Variants in KDM7A observed in about 807,000 individuals in gnomAD.
The protein encoded by KDM7A is lysine-specific demethylase 7A.
KDM7A carries 28 observed loss-of-function variants against 114.8 expected under a neutral mutation model. That is an observed-to-expected ratio of 0.24 (90% CI 0.18 to 0.33). KDM7A has a LOEUF of 0.33. Ranked by LOEUF, KDM7A falls within the 10% of genes least tolerant of loss-of-function variation. The pLI is 1.00. For synonymous variants in KDM7A, 423 were observed against 397.8 expected, an observed-to-expected ratio of 1.06 and a Z score of -0.75; for missense variants, 942 against 1,142.5, an observed-to-expected ratio of 0.82 and a Z score of 2.53.
At chr7:140,102,232 T>C (rs1408531903) in intron 11 of KDM7A, 72 bp from the exon 12 acceptor site, 2 of 1,102,264 alleles carry the variant, frequency 1.8e-6, no homozygotes, top group African/African-American at 3.1e-5. Context: ...TAATCATCCA[T>C]AAAAATATTT....
At chr7:140,156,347 A>G (rs1450890365) in intron 1 of KDM7A, among the ~76,000 whole-genome samples, 4 of 152,256 alleles carry the variant, frequency 2.6e-5, no homozygotes, top group Non-Finnish European at 4.4e-5. Context: ...CACGATTATC[A>G]TGTGAAAAAT....
At chr7:140,157,119 T>C (rs1794465751) in intron 1 of KDM7A, among the ~76,000 whole-genome samples, 1 of 152,316 alleles carries the variant, frequency 6.6e-6, no homozygotes, top group South Asian at 2.1e-4. Flanking sequence ...AAGGACAAAA[T>C]TGTTCAACTT....
intron 2 of KDM7A, among the ~76,000 whole-genome samples, chr7:140,135,834 T>C (rs1818861149): frequency 6.6e-6 from 1 of 152,082 alleles, no homozygotes; most frequent in Admixed American, 6.6e-5. Flanking sequence ...AGTAACTTAC[T>C]TTCCTTACTA....
At chr7:140,151,329 G>A (rs188105454) in intron 1 of KDM7A, among the ~76,000 whole-genome samples, 1 of 152,142 alleles carries the variant, frequency 6.6e-6, no homozygotes, top group African/African-American at 2.4e-5. Context: ...ATTTAATTCA[G>A]AATTTCCCAT....
chr7:140,159,624 G>A (rs977031593), intron 1 of KDM7A, among the ~76,000 whole-genome samples: 1 of 152,196 alleles, frequency 6.6e-6, no homozygotes, highest in African/African-American at 2.4e-5. Flanking sequence ...CTGAGAAGTT[G>A]ATCATCAATT....
At chr7:140,094,734 CAAAG>C (rs1462103450) in intron 17 of KDM7A, 2 of 152,472 alleles carry the variant, frequency 1.3e-5, no homozygotes, top group Admixed American at 6.5e-5. Flanking sequence ...GGAGAAGAAA[CAAAG>C]AAATCTGTAA....
At chr7:140,166,382 C>G (rs958194063) in intron 1 of KDM7A, among the ~76,000 whole-genome samples, 1 of 147,906 alleles carries the variant, frequency 6.8e-6, no homozygotes, top group Non-Finnish European at 1.5e-5. Flanking sequence ...CTGTGTCACC[C>G]AGGCTGGAGT....
intron 7 of KDM7A, among the ~76,000 whole-genome samples, chr7:140,121,828 C>G (rs1818622279): frequency 6.6e-6 from 1 of 152,092 alleles, no homozygotes. Context: ...TATACAGACA[C>G]CCACACACAG....
intron 1 of KDM7A, among the ~76,000 whole-genome samples, chr7:140,170,140 A>G (rs919016914): frequency 5.3e-5 from 8 of 152,194 alleles, no homozygotes; most frequent in African/African-American, 1.9e-4. Context: ...TCCTATCCCT[A>G]ACCAATTTTA....
chr7:140,165,496 C>T (rs1221406395), intron 1 of KDM7A, among the ~76,000 whole-genome samples: 2 of 152,136 alleles, frequency 1.3e-5, no homozygotes, highest in African/African-American at 2.4e-5. Flanking sequence ...GTTTCAGGTA[C>T]CAGTGGTCAG....
chr7:140,174,920 A>G (rs1368142226), intron 1 of KDM7A, among the ~76,000 whole-genome samples: 3 of 152,194 alleles, frequency 2.0e-5, no homozygotes, highest in Admixed American at 2.0e-4. Context: ...TGGCGAGACA[A>G]ATTTTTATGC....
At chr7:140,159,593 C>A (rs965675980) in intron 1 of KDM7A, among the ~76,000 whole-genome samples, 1 of 152,144 alleles carries the variant, frequency 6.6e-6, no homozygotes, top group African/African-American at 2.4e-5. Flanking sequence ...AGGCTTGAGG[C>A]CTCCTAGGAA....
At chr7:140,100,587 CTGA>C (rs1423832005) in intron 12 of KDM7A, among the ~76,000 whole-genome samples, 2 of 147,298 alleles carry the variant, frequency 1.4e-5, no homozygotes, top group Non-Finnish European at 3.0e-5. Flanking sequence ...TTAATCTTCT[CTGA>C]TGATTACAGT....
rs3030431 is a variant in KDM7A at position 140,144,710 on chromosome 7, T to TACACACAC, written c.195-5528_195-5521dup. ...AGGTTCCAGATGTCTGTCCCCACCA[T>TACACACAC]ACACACACACACACACACACACACA... On this transcript the variant is annotated intron_variant, in intron 1 of 19. Coordinates refer to ENST00000397560, the MANE Select transcript of KDM7A (RefSeq NM_030647.2). Among the ~76,000 whole-genome samples, 1,033 of 146,406 alleles carry TACACACAC rather than the reference T, an allele frequency of 7.1e-3. 21 individuals are homozygous for TACACACAC. Among genetic ancestry groups the TACACACAC allele is most frequent in the African/African-American group, 0.024 (944 of 39,792 alleles).
Position 140,102,151 on chromosome 7 carries a change from C to A in KDM7A, c.1438G>T (p.Gly480Cys). Reference protein sequence around the residue: ...KVIRAIEEENGKPVKSQGIPI... With the variant: ...KVIRAIEEENCKPVKSQGIPI... ...ATTCCCTGAGATTTAACTGGTTTGC[C>A]GTTTTCCTCCTTTAAGAATTAAAAT... Residue 480 changes from glycine (G) to cysteine (C), a missense_variant, in exon 12 of 20, where the codon GGC becomes TGC. By Grantham distance (159) the Gly-to-Cys change is radical (BLOSUM62 -3). This residue lies in a region of KDM7A where 512 missense variants were observed against 576.6 expected (regional missense o/e 0.89). Transcript: ENST00000397560. 6.2e-7 allele frequency: 1 copy of A among 1,612,032 alleles called. No individual in the cohort carries two copies. Among genetic ancestry groups the A allele is most frequent in the South Asian group, 1.1e-5 (1 of 91,030 alleles).
intron 1 of KDM7A, among the ~76,000 whole-genome samples, chr7:140,152,835 T>C (rs1374384996): frequency 2.0e-5 from 3 of 152,130 alleles, no homozygotes; most frequent in African/African-American, 7.2e-5. Context: ...AGATAATTTG[T>C]CATTATAGGT....
At chr7:140,175,227 T>C (rs1241697392) in intron 1 of KDM7A, among the ~76,000 whole-genome samples, 1 of 152,212 alleles carries the variant, frequency 6.6e-6, no homozygotes, top group African/African-American at 2.4e-5. Context: ...AAACTGTACT[T>C]GAAAATTAAG....
chr7:140,169,847 G>A (rs941792699), intron 1 of KDM7A, among the ~76,000 whole-genome samples: 6 of 152,194 alleles, frequency 3.9e-5, no homozygotes, highest in African/African-American at 1.4e-4. Context: ...AAAAGCTTAT[G>A]AGAGAACTAT....
chr7:140,120,941 C>T (rs985340836), intron 7 of KDM7A, among the ~76,000 whole-genome samples: 52 of 152,270 alleles, frequency 3.4e-4, no homozygotes, highest in African/African-American at 1.2e-3. Context: ...CACAACCCAA[C>T]TTTATATTAA....
Sources: gnomAD v4.1 joint callset for allele counts (sites outside exome capture counted in the v4.1 genomes callset) on GRCh38, gnomAD v4.1.1 for gene constraint, gnomAD v4.1.1 regional missense constraint, MANE v1.5 for transcripts, NCBI Gene and HGNC (gene_info 2026-07-23, HGNC 2026-07-21) for gene names.